Variants in NEMF observed in about 807,000 individuals in gnomAD.
NEMF encodes the protein nuclear export mediator factor, also known as ribosome quality control complex subunit NEMF.
Under a neutral mutation model 162.2 loss-of-function variants are expected in NEMF, and 89 were observed. The ratio of observed to expected loss-of-function variants is 0.55; its 90% confidence interval spans 0.46 to 0.65. The LOEUF is 0.65. Ranked by LOEUF, NEMF falls within the 30% of genes least tolerant of loss-of-function variation. The probability of loss-of-function intolerance (pLI) is 0.00; values close to 1 mark genes in which losing one functional copy is unlikely to be tolerated. For missense variants in NEMF, 1,133 were observed against 1,261.9 expected (o/e 0.90, Z 1.55); for synonymous variants, 421 against 404.5 (o/e 1.04, Z -0.49).
intron 25 of NEMF, among the ~76,000 whole-genome samples, chr14:49,799,248 G>GAGGACTT (rs1890843008): frequency 7.8e-6 from 1 of 128,874 alleles, no homozygotes; most frequent in African/African-American, 2.9e-5. Context: ...AATGTTAAGT[G>GAGGACTT]AGGACTTACT....
At chr14:49,791,700 G>A (rs950597462) in intron 26 of NEMF, among the ~76,000 whole-genome samples, 1 of 147,774 alleles carries the variant, frequency 6.8e-6, no homozygotes, top group Admixed American at 6.8e-5. Context: ...TCGCGCCACC[G>A]CACTCCAGCC....
At chr14:49,813,325 T>A (rs1047146919) in intron 18 of NEMF, among the ~76,000 whole-genome samples, 2 of 152,150 alleles carry the variant, frequency 1.3e-5, no homozygotes, top group Non-Finnish European at 2.9e-5. Context: ...CTTCAAAATA[T>A]AAAAACACTC....
rs780058122 is a variant in NEMF at position 49,814,867 on chromosome 14, T to A, written c.1578-10A>T. The stretch of plus-strand genomic sequence containing the variant: ...CAGAAATTTCTCAAACCTATCAAAA[T>A]GAAAGAAAAAAAGTTAACTTTTCTT... On this transcript the variant is annotated splice_polypyrimidine_tract_variant and intron_variant, in intron 16 of 32. Transcript: ENST00000298310. 3.3e-6 allele frequency: 5 copies of A among 1,502,390 alleles called. No homozygotes were observed. Among genetic ancestry groups the A allele is most frequent in the Admixed American group, 4.3e-5 (2 of 47,046 alleles). The allele number at this position is 1,502,390 out of a possible 1,614,324, so 93.1% of individuals were successfully genotyped here.
At chr14:49,810,945 C>T (rs1160131721) in intron 18 of NEMF, among the ~76,000 whole-genome samples, 3 of 152,126 alleles carry the variant, frequency 2.0e-5, no homozygotes, top group Non-Finnish European at 2.9e-5. Flanking sequence ...GAGCCAATCG[C>T]ACCACTTTAT....
intron 25 of NEMF, among the ~76,000 whole-genome samples, chr14:49,798,095 T>G (rs889375375): frequency 6.6e-6 from 1 of 152,228 alleles, no homozygotes; most frequent in African/African-American, 2.4e-5. Flanking sequence ...CAGGATAGGC[T>G]CTAGCCACCA....
intron 16 of NEMF, among the ~76,000 whole-genome samples, chr14:49,817,252 G>C (rs1164169082): frequency 6.6e-6 from 1 of 152,086 alleles, no homozygotes; most frequent in Non-Finnish European, 1.5e-5. Context: ...AGACCAGCCT[G>C]GCCAACATGA....
chr14:49,782,847 TCATTTGCTTTAA>T lies in NEMF; in HGVS notation c.*1777_*1788del. The T allele has an allele frequency of 6.2e-7, 1 of 1,613,834 alleles. No individual in the cohort carries two copies. The highest frequency in any genetic ancestry group is 8.5e-7 in the Non-Finnish European group (1 of 1,179,830). Reference sequence around the variant, plus strand: ...ACTTTCAGGCTAAGCTTAGAAGCAGTCATTTGCTTTAAAGAAATGTTAGCCAACTCATGGAAC... The same window carrying T: ...ACTTTCAGGCTAAGCTTAGAAGCAGTAGAAATGTTAGCCAACTCATGGAAC... On this transcript the variant is annotated 3_prime_UTR_variant, in exon 33 of 33. Coordinates refer to ENST00000298310, the MANE Select transcript of NEMF (RefSeq NM_004713.6).
In NEMF at chr14:49,782,690, C is replaced by T; in HGVS notation, c.*1946G>A. 1 of 1,342,188 alleles carries T rather than the reference C, an allele frequency of 7.5e-7. No individual in the cohort carries two copies. The highest frequency in any genetic ancestry group is 1.0e-6 in the Non-Finnish European group (1 of 975,072). The allele number at this position is 1,342,188 out of a possible 1,614,324, so 83.1% of individuals were successfully genotyped here. On this transcript the variant is annotated 3_prime_UTR_variant, in exon 33 of 33. Coordinates refer to ENST00000298310, the MANE Select transcript of NEMF (RefSeq NM_004713.6). The stretch of plus-strand genomic sequence containing the variant: ...ACTAGGTTTATGGATTATTTAAGGG[C>T]AATAAAACTTCATTGCTATAACCAG...
intron 26 of NEMF, among the ~76,000 whole-genome samples, chr14:49,794,345 G>T (rs1594731704): frequency 6.6e-6 from 1 of 152,064 alleles, no homozygotes; most frequent in Non-Finnish European, 1.5e-5. Context: ...ATTTTTATTA[G>T]GTTGAGTCTT....
At chr14:49,804,147 G>C (rs563651146) in intron 19 of NEMF, among the ~76,000 whole-genome samples, 1 of 151,162 alleles carries the variant, frequency 6.6e-6, no homozygotes, top group South Asian at 2.1e-4. Flanking sequence ...TGGGATTACA[G>C]GTGCGCACCA....
Position 49,821,831 on chromosome 14 carries a change from G to A in NEMF, c.1577+4036C>T, listed in dbSNP as rs1466029671. ...AGGTACCCAACAGCTCATTGAGAAT[G>A]GGCCATGATGACAATGGCGGTTTTG... is the stretch of plus-strand genomic sequence containing the variant. On this transcript the variant is annotated intron_variant, in intron 16 of 32. Coordinates refer to ENST00000298310, the MANE Select transcript of NEMF (RefSeq NM_004713.6). Among the ~76,000 whole-genome samples, 38 of 152,024 alleles carry A rather than the reference G, an allele frequency of 2.5e-4. No individual in the cohort carries two copies. In the East Asian group the frequency reaches 6.3e-3, roughly 25 times the overall value.
intron 25 of NEMF, among the ~76,000 whole-genome samples, chr14:49,798,689 C>T (rs4898634): frequency 0.96 from 146,716 of 152,236 alleles, 70,947 homozygotes; most frequent in East Asian, 1. Context: ...CGGGTGATCA[C>T]GAGGTCAGAA....
chr14:49,843,330 C>CA (rs1456113345), intron 4 of NEMF, among the ~76,000 whole-genome samples: 1 of 151,692 alleles, frequency 6.6e-6, no homozygotes, highest in African/African-American at 2.4e-5. Context: ...TCTGTCTCTA[C>CA]AAAAAATAAA....
At chr14:49,787,359 C>G (rs1315801306) in intron 28 of NEMF, among the ~76,000 whole-genome samples, 1 of 152,216 alleles carries the variant, frequency 6.6e-6, no homozygotes, top group Non-Finnish European at 1.5e-5. Flanking sequence ...AAGGCACCAG[C>G]AGATTCAATG....
intron 4 of NEMF, 79 bp downstream of exon 4, chr14:49,846,061 C>T: frequency 8.2e-7 from 1 of 1,222,822 alleles, no homozygotes; most frequent in Non-Finnish European, 1.1e-6. Context: ...AAAATGTTCC[C>T]CCACTCATGT....
chr14:49,809,125 T>C (rs574515902), intron 18 of NEMF, among the ~76,000 whole-genome samples: 47 of 152,328 alleles, frequency 3.1e-4, no homozygotes, highest in African/African-American at 1.1e-3. Flanking sequence ...TGGTGGTTTC[T>C]TACAAAACTA....
At chr14:49,814,914 CCT>C in intron 16 of NEMF, 57 bp from the exon 17 acceptor site, 1 of 975,504 alleles carries the variant, frequency 1.0e-6, no homozygotes, top group Non-Finnish European at 1.6e-6. Context: ...GAATTCATAC[CCT>C]TTTTGCAAAC....
chr14:49,802,727 C>T lies in NEMF; in HGVS notation c.1916G>A (p.Gly639Glu). 6.2e-7 allele frequency: 1 copy of T among 1,607,894 alleles called. No individual in the cohort carries two copies. Among genetic ancestry groups the T allele is most frequent in the South Asian group, 1.1e-5 (1 of 90,518 alleles). Reference protein sequence around the residue: ...YLTTGSFMIRGKKNFLPPSYL... With the variant: ...YLTTGSFMIREKKNFLPPSYL... ...TGAGGGAGGAAGAAAATTCTTTTTT[C>T]CTACAAAAGATAACGTACATTAATG... is the stretch of plus-strand genomic sequence containing the variant. Residue 639 changes from glycine (G) to glutamate (E), a missense_variant and splice_region_variant, in exon 21 of 33, where the codon GGA becomes GAA. This residue lies in a region of NEMF where 532 missense variants were observed against 578.6 expected (regional missense o/e 0.92). Coordinates refer to ENST00000298310, the MANE Select transcript of NEMF (RefSeq NM_004713.6).
chr14:49,824,265 C>T (rs1427398612), intron 16 of NEMF, among the ~76,000 whole-genome samples: 1 of 151,866 alleles, frequency 6.6e-6, no homozygotes, highest in African/African-American at 2.4e-5. Flanking sequence ...TCTGAGGAGG[C>T]GGGGCGTGGT....
Sources: gnomAD v4.1 joint callset for allele counts (sites outside exome capture counted in the v4.1 genomes callset) on GRCh38, gnomAD v4.1.1 for gene constraint, gnomAD v4.1.1 regional missense constraint, MANE v1.5 for transcripts, NCBI Gene and HGNC (gene_info 2026-07-23, HGNC 2026-07-21) for gene names.